ROR2: variants seen among roughly 807,000 people sequenced by gnomAD.
The protein encoded by ROR2 is ROR family WNT receptor 2.
Under a neutral mutation model 74.9 loss-of-function variants are expected in ROR2, and 33 were observed. The observed-to-expected ratio is 0.44, with a 90% CI of 0.33 to 0.59. ROR2 has a LOEUF of 0.59. Among genes scored for constraint, ROR2 ranks in the 20% least tolerant of loss-of-function variants. The pLI is 0.02. For missense variants in ROR2, 1,216 were observed against 1,313.8 expected (o/e 0.93, Z 1.15); for synonymous variants, 586 against 558.7 (o/e 1.05, Z -0.69).
chr9:91,798,642 AGCTGACACCCTGGGCTCTGTGGGTGGG>A (rs1327140188), intron 1 of ROR2, among the ~76,000 whole-genome samples: 7 of 61,888 alleles, frequency 1.1e-4, no homozygotes, highest in African/African-American at 2.5e-4. Flanking sequence ...TCTGTGGGCG[AGCTGACACCCTGGGCTCTGTGGGTGGG>A]GCTGACACCC....
chr9:91,821,642 G>A (rs1190000997), intron 1 of ROR2, among the ~76,000 whole-genome samples: 1 of 152,134 alleles, frequency 6.6e-6, no homozygotes, highest in Non-Finnish European at 1.5e-5. Context: ...TTCCAAATGT[G>A]AGTCAACCAT....
intron 1 of ROR2, among the ~76,000 whole-genome samples, chr9:91,898,070 CCTCT>C (rs1380329873): frequency 1.3e-5 from 2 of 152,104 alleles, no homozygotes; most frequent in African/African-American, 2.4e-5. Flanking sequence ...CACCCCTGGG[CCTCT>C]CTGACTCCCA....
rs35764413 is a variant in ROR2 at position 91,724,852 on chromosome 9, G to A, written c.1642C>T (p.Pro548Ser). 3,346 of 1,602,716 alleles carry A rather than the reference G, an allele frequency of 2.1e-3. 62 individuals are homozygous for A. The African/African-American group carries it at 0.04, about 19-fold the overall frequency. The change falls in exon 9 of 9, where the codon CCC becomes TCC. Residue 548 changes from proline (P) to serine (S), a missense_variant. Coordinates refer to ENST00000375708, the MANE Select transcript of ROR2 (RefSeq NM_004560.4). ...CLLGVVTKDQ[P>S]LSMIFSYCSH... is the part of the protein sequence containing the mutation. Reference sequence around the variant, plus strand: ...CAGTAGCTGAAGATCATGCTCAGGGGCTGGTCCTTGGTCACCACGCCCAGC... The same window carrying A: ...CAGTAGCTGAAGATCATGCTCAGGGACTGGTCCTTGGTCACCACGCCCAGC...
In ROR2 at chr9:91,847,216, AC is replaced by A. The variant is rs368307608; in HGVS notation, c.98-71399del. On this transcript the variant is annotated intron_variant, in intron 1 of 8. Coordinates refer to ENST00000375708, the MANE Select transcript of ROR2 (RefSeq NM_004560.4). ...GGCATCAGTATGTGCAGGTCTGCAG[AC>A]AGCACAGACAGACTTAGAACCAGAA... Among the ~76,000 whole-genome samples the A allele has an allele frequency of 2.9e-3, 448 of 152,294 alleles. 4 individuals carry two copies. Among genetic ancestry groups the A allele is most frequent in the African/African-American group, 9.6e-3 (401 of 41,560 alleles).
At chr9:91,742,588 C>G (rs1446251818) in intron 4 of ROR2, among the ~76,000 whole-genome samples, 1 of 152,232 alleles carries the variant, frequency 6.6e-6, no homozygotes. Context: ...TTTTGGTTAA[C>G]AGCAGACCAC....
At chr9:91,920,732 A>G (rs1831243268) in intron 1 of ROR2, among the ~76,000 whole-genome samples, 3 of 152,136 alleles carry the variant, frequency 2.0e-5, no homozygotes, top group Admixed American at 1.3e-4. Flanking sequence ...ACAAATACAC[A>G]TGACAGATAG....
chr9:91,774,419 C>G (rs1462369507), intron 2 of ROR2, among the ~76,000 whole-genome samples: 2 of 152,188 alleles, frequency 1.3e-5, no homozygotes, highest in Admixed American at 6.5e-5. Context: ...GCCCCCCAAA[C>G]CCATAAGTTG....
At chr9:91,829,459 A>T (rs1318632647) in intron 1 of ROR2, among the ~76,000 whole-genome samples, 1 of 148,950 alleles carries the variant, frequency 6.7e-6, no homozygotes, top group Admixed American at 6.8e-5. Flanking sequence ...CTGAAGCAGG[A>T]GAATCACTTG....
At chr9:91,912,767 C>G (rs1343486194) in intron 1 of ROR2, among the ~76,000 whole-genome samples, 1 of 152,100 alleles carries the variant, frequency 6.6e-6, no homozygotes, top group African/African-American at 2.4e-5. Flanking sequence ...CTTAAGTATT[C>G]AAGTTAATAG....
In ROR2 at chr9:91,757,323, T is replaced by G. The variant is rs1587690480; in HGVS notation, c.412A>C (p.Thr138Pro). 1 of 1,614,016 alleles carries G rather than the reference T, an allele frequency of 6.2e-7. No individual in the cohort carries two copies. The highest frequency in any genetic ancestry group is 8.5e-7 in the Non-Finnish European group (1 of 1,180,008). The change falls in exon 3 of 9, where the codon ACC (threonine) becomes CCC (proline). Residue 138 changes from threonine to proline, a missense_variant. Coordinates refer to ENST00000375708, the MANE Select transcript of ROR2 (RefSeq NM_004560.4). ...GCGGTAATGGTCTTCATCCCGTTGG[T>G]GGCCACGCACTGGTAGTAGCCAGTG... The part of the protein sequence containing the change: ...TDTGYYQCVA[T>P]NGMKTITATG...
chr9:91,901,065 G>A (rs1830665498), intron 1 of ROR2, among the ~76,000 whole-genome samples: 1 of 152,072 alleles, frequency 6.6e-6, no homozygotes. Context: ...AGGAAGGTCG[G>A]GCAGAATCCC....
chr9:91,927,562 C>CTTTTTTTTTTTTTTTTTTTTTT lies in ROR2; in HGVS notation c.97+22304_97+22305insAAAAAAAAAAAAAAAAAAAAAA, dbSNP rs775823582. On this transcript the variant is annotated intron_variant, in intron 1 of 8. Transcript: ENST00000375708. ...TGGCTGGCTCTGTGTTTTCTAGATT[C>CTTTTTTTTTTTTTTTTTTTTTT]TTTTTTTTTTTTTTTTTTTTTGAGA... is the stretch of plus-strand genomic sequence containing the variant. Among the ~76,000 whole-genome samples, 8 of 94,944 alleles carry CTTTTTTTTTTTTTTTTTTTTTT rather than the reference C, an allele frequency of 8.4e-5. 1 individual carries two copies. Among genetic ancestry groups the CTTTTTTTTTTTTTTTTTTTTTT allele is most frequent in the Non-Finnish European group, 1.4e-4 (7 of 50,502 alleles). 62.3% of individuals were successfully genotyped at this position (94,944 alleles called of 152,430 possible). A position where few individuals can be genotyped will look rare whatever the true frequency, so the allele number is the denominator to read the frequency against.
chr9:91,867,149 T>C (rs73517083), intron 1 of ROR2, among the ~76,000 whole-genome samples: 10,846 of 152,246 alleles, frequency 0.071, 453 homozygotes, highest in Middle Eastern at 0.13. Context: ...GAACTTAACA[T>C]AGTCCCAAAC....
At chr9:91,847,808 C>T (rs993188064) in intron 1 of ROR2, among the ~76,000 whole-genome samples, 2 of 152,072 alleles carry the variant, frequency 1.3e-5, no homozygotes, top group Non-Finnish European at 2.9e-5. Context: ...CTCCCCAGAA[C>T]TCAAGTTCCG....
At chr9:91,760,558 C>T (rs1055000797) in intron 2 of ROR2, among the ~76,000 whole-genome samples, 5 of 150,202 alleles carry the variant, frequency 3.3e-5, no homozygotes, top group South Asian at 2.1e-4. Context: ...GGCGTGAACC[C>T]GGGAGGCGGA....
chr9:91,764,573 C>A (rs1382056984), intron 2 of ROR2, among the ~76,000 whole-genome samples: 1 of 151,896 alleles, frequency 6.6e-6, no homozygotes, highest in Non-Finnish European at 1.5e-5. Context: ...CACACACACA[C>A]ACACACACAC....
chr9:91,819,214 GAC>G (rs926416930), intron 1 of ROR2, among the ~76,000 whole-genome samples: 1 of 152,202 alleles, frequency 6.6e-6, no homozygotes. Flanking sequence ...GGCCAGGACT[GAC>G]ACAGCATGGG....
chr9:91,872,839 T>C (rs1004656748), intron 1 of ROR2, among the ~76,000 whole-genome samples: 7 of 152,080 alleles, frequency 4.6e-5, no homozygotes, highest in African/African-American at 1.7e-4. Context: ...CCTTACACAC[T>C]GGGGAAAAGT....
chr9:91,822,635 C>T lies in ROR2; in HGVS notation c.98-46817G>A, dbSNP rs115636248. Among the ~76,000 whole-genome samples the T allele has an allele frequency of 6.1e-3, 924 of 152,252 alleles. 13 individuals are homozygous for T. The highest frequency in any genetic ancestry group is 0.019 in the African/African-American group (806 of 41,550). ...TGATTCAGGCAAGACTCACTGGATG[C>T]GAAAACCACTGAGCAGAAGGCTGTT... On this transcript the variant is annotated intron_variant, in intron 1 of 8. Coordinates refer to ENST00000375708, the MANE Select transcript of ROR2 (RefSeq NM_004560.4).
Sources: gnomAD v4.1 joint callset for allele counts (sites outside exome capture counted in the v4.1 genomes callset) on GRCh38, gnomAD v4.1.1 for gene constraint, MANE v1.5 for transcripts, NCBI Gene and HGNC (gene_info 2026-07-23, HGNC 2026-07-21) for gene names.